The following TENM4 variants were observed in gnomAD, a reference collection of about 807,000 sequenced individuals.
The protein encoded by TENM4 is teneurin-4.
In TENM4, 82 loss-of-function variants were observed where a neutral mutation model predicts 243.3. The observed-to-expected ratio is 0.34, with a 90% CI of 0.28 to 0.40. The LOEUF is 0.40. TENM4 is among the 10% of genes least tolerant of loss of function. TENM4 has a pLI of 1.00. For missense variants in TENM4, 3,138 were observed against 3,673.3 expected, an observed-to-expected ratio of 0.85 and a Z score of 3.77; for synonymous variants, 1,412 against 1,456.3, an observed-to-expected ratio of 0.97 and a Z score of 0.69.
rs1435943588 is a variant in TENM4, at chr11:78,856,091, G to A, written c.1343C>T (p.Pro448Leu). 2 of 1,551,564 alleles carry A rather than the reference G, an allele frequency of 1.3e-6. No individual in the cohort carries two copies. The highest frequency in any genetic ancestry group is 1.7e-6 in the Non-Finnish European group (2 of 1,146,998). Reference sequence around the variant, plus strand: ...CACTTGAGATCTCCAGAAAGTGCCAGGAGGAATCTTCTGGGAAGCTCGCCT... The same window carrying A: ...CACTTGAGATCTCCAGAAAGTGCCAAGAGGAATCTTCTGGGAAGCTCGCCT... Reference protein sequence around the residue: ...VGRRASQKIPPGTFWRSQVFI... With the variant: ...VGRRASQKIPLGTFWRSQVFI... The change falls in exon 11 of 34, where the codon CCT becomes CTT. Residue 448 changes from proline (P) to leucine (L), a missense_variant. Coordinates refer to ENST00000278550, the MANE Select transcript of TENM4 (RefSeq NM_001098816.3).
chr11:79,367,482 C>T (rs1857699197), intron 1 of TENM4, among the ~76,000 whole-genome samples: 1 of 152,084 alleles, frequency 6.6e-6, no homozygotes, highest in Non-Finnish European at 1.5e-5. Context: ...TTCCTTCTGC[C>T]AAGAGTTAAT....
intron 4 of TENM4, among the ~76,000 whole-genome samples, chr11:79,113,780 T>C (rs1410241350): frequency 6.6e-6 from 1 of 152,156 alleles, no homozygotes; most frequent in African/African-American, 2.4e-5. Flanking sequence ...GAGGCTGTCC[T>C]GGGGCCCAGC....
intron 3 of TENM4, among the ~76,000 whole-genome samples, chr11:79,211,868 C>G (rs1473234792): frequency 6.6e-6 from 1 of 152,082 alleles, no homozygotes; most frequent in Non-Finnish European, 1.5e-5. Context: ...AGCACAGGTG[C>G]TTTAGGGCAT....
chr11:79,374,430 C>G (rs1291043926), intron 1 of TENM4, among the ~76,000 whole-genome samples: 2 of 152,038 alleles, frequency 1.3e-5, no homozygotes, highest in Non-Finnish European at 2.9e-5. Context: ...TTATTTAAAA[C>G]TAGCATTTCA....
chr11:79,208,761 C>T (rs576082600), intron 3 of TENM4, among the ~76,000 whole-genome samples: 1 of 152,202 alleles, frequency 6.6e-6, no homozygotes, highest in African/African-American at 2.4e-5. Context: ...AGGCGCTCAA[C>T]AAATGTCTGT....
chr11:79,047,203 A>G (rs767498746), intron 6 of TENM4, among the ~76,000 whole-genome samples: 27 of 152,316 alleles, frequency 1.8e-4, no homozygotes, highest in Non-Finnish European at 3.4e-4. Flanking sequence ...TGACCAAGAG[A>G]CAGACTTAAA....
intron 1 of TENM4, among the ~76,000 whole-genome samples, chr11:79,367,759 C>T (rs1483520449): frequency 2.0e-5 from 3 of 152,104 alleles, no homozygotes; most frequent in Admixed American, 6.6e-5. Flanking sequence ...AGAAGAGAGA[C>T]ATAACAAATG....
At chr11:78,945,546 AG>A (rs1856988690) in intron 6 of TENM4, among the ~76,000 whole-genome samples, 1 of 152,216 alleles carries the variant, frequency 6.6e-6, no homozygotes, top group East Asian at 1.9e-4. Context: ...GCCAAGTGAA[AG>A]AAAGAGTTGT....
At chr11:79,262,800 T>G (rs1855821177) in intron 2 of TENM4, among the ~76,000 whole-genome samples, 1 of 152,190 alleles carries the variant, frequency 6.6e-6, no homozygotes, top group African/African-American at 2.4e-5. Context: ...TTTAAGTATC[T>G]TACCTGTAAA....
chr11:78,810,339 T>C (rs1857471877), intron 14 of TENM4, among the ~76,000 whole-genome samples: 1 of 152,220 alleles, frequency 6.6e-6, no homozygotes, highest in African/African-American at 2.4e-5. Flanking sequence ...TTTTCTCTCT[T>C]ATAAATAACA....
At chr11:79,210,859 C>A (rs190346570) in intron 3 of TENM4, among the ~76,000 whole-genome samples, 2 of 152,270 alleles carry the variant, frequency 1.3e-5, no homozygotes, top group East Asian at 3.9e-4. Flanking sequence ...CTTTTATCTG[C>A]CTATTGGTGA....
intron 1 of TENM4, among the ~76,000 whole-genome samples, chr11:79,396,986 G>T (rs1858358806): frequency 6.6e-6 from 1 of 152,144 alleles, no homozygotes; most frequent in Non-Finnish European, 1.5e-5. Context: ...AGTTTCTCCT[G>T]AGCACTGTGT....
intron 9 of TENM4, among the ~76,000 whole-genome samples, chr11:78,867,117 C>G (rs1859000366): frequency 6.6e-6 from 1 of 152,136 alleles, no homozygotes; most frequent in Admixed American, 6.5e-5. Flanking sequence ...TCCAATTATA[C>G]TTTTAGTTAT....
chr11:79,434,639 C>T (rs1309904511), intron 1 of TENM4, among the ~76,000 whole-genome samples: 1 of 152,186 alleles, frequency 6.6e-6, no homozygotes, highest in Non-Finnish European at 1.5e-5. Context: ...CAAAATTATG[C>T]AAATTCCCTG....
intron 6 of TENM4, among the ~76,000 whole-genome samples, chr11:79,050,746 G>T (rs1859770944): frequency 6.6e-6 from 1 of 152,208 alleles, no homozygotes; most frequent in Non-Finnish European, 1.5e-5. Context: ...GCTGAGCAAT[G>T]GCAGAAAGAA....
intron 1 of TENM4, among the ~76,000 whole-genome samples, chr11:79,299,570 G>A (rs747227612): frequency 6.6e-6 from 1 of 152,142 alleles, no homozygotes; most frequent in African/African-American, 2.4e-5. Context: ...CCAAAAGAGC[G>A]CTTTGGTATA....
At chr11:78,742,155 G>A (rs999932579) in intron 19 of TENM4, among the ~76,000 whole-genome samples, 1 of 152,108 alleles carries the variant, frequency 6.6e-6, no homozygotes, top group African/African-American at 2.4e-5. Context: ...CATCTCACAT[G>A]TTTACGTGTG....
At chr11:78,845,789 T>G (rs910004551) in intron 12 of TENM4, among the ~76,000 whole-genome samples, 1 of 151,390 alleles carries the variant, frequency 6.6e-6, no homozygotes, top group African/African-American at 2.4e-5. Flanking sequence ...AAAAAAGAGC[T>G]AAAAGAAAAT....
At chr11:79,062,168 C>T (rs758951091) in intron 6 of TENM4, among the ~76,000 whole-genome samples, 11 of 151,974 alleles carry the variant, frequency 7.2e-5, no homozygotes, top group Non-Finnish European at 1.6e-4. Context: ...TGCCATGTTG[C>T]CCAGGCTGGT....
Sources: gnomAD v4.1 joint callset for allele counts (sites outside exome capture counted in the v4.1 genomes callset) on GRCh38, gnomAD v4.1.1 for gene constraint, MANE v1.5 for transcripts, NCBI Gene and HGNC (gene_info 2026-07-23, HGNC 2026-07-21) for gene names.